The following DLG2 variants were observed in gnomAD, a reference collection of about 807,000 sequenced individuals.
The protein encoded by DLG2 is disks large homolog 2.
A neutral mutation model predicts 132.5 loss-of-function variants in DLG2; 45 were observed. That is an observed-to-expected ratio of 0.34 (90% CI 0.27 to 0.44). DLG2 has a LOEUF of 0.44. Among genes scored for constraint, DLG2 ranks in the 20% least tolerant of loss-of-function variants. DLG2 has a pLI of 1.00. For synonymous variants in DLG2, 424 were observed against 419.6 expected (o/e 1.01, Z -0.13); for missense variants, 1,045 against 1,196.9 (o/e 0.87, Z 1.87).
chr11:84,879,585 T>C (rs965431939), intron 6 of DLG2, among the ~76,000 whole-genome samples: 1 of 152,086 alleles, frequency 6.6e-6, no homozygotes, highest in African/African-American at 2.4e-5. Context: ...TGATTAGGAA[T>C]GTACAATATG....
At chr11:85,577,325 T>C (rs1172310833) in intron 3 of DLG2, among the ~76,000 whole-genome samples, 1 of 152,046 alleles carries the variant, frequency 6.6e-6, no homozygotes, top group Non-Finnish European at 1.5e-5. Context: ...TAAGAAATGG[T>C]AGGATTCCGG....
chr11:85,092,545 A>G (rs1447239636), intron 6 of DLG2, among the ~76,000 whole-genome samples: 2 of 152,094 alleles, frequency 1.3e-5, no homozygotes, highest in Non-Finnish European at 2.9e-5. Flanking sequence ...ATACATATAT[A>G]TTTTGGCAAA....
chr11:83,558,986 A>G (rs2096566715), intron 19 of DLG2, among the ~76,000 whole-genome samples: 1 of 152,114 alleles, frequency 6.6e-6, no homozygotes, highest in South Asian at 2.1e-4. Context: ...TAAAAGATGC[A>G]TAAGGGAATG....
chr11:84,439,623 C>A (rs774317422), intron 7 of DLG2, among the ~76,000 whole-genome samples: 1 of 152,134 alleles, frequency 6.6e-6, no homozygotes, highest in South Asian at 2.1e-4. Context: ...AGAAATCCAA[C>A]GAATAAATAT....
chr11:83,952,050 G>A (rs1382326200), intron 14 of DLG2, among the ~76,000 whole-genome samples: 4 of 152,088 alleles, frequency 2.6e-5, no homozygotes, highest in African/African-American at 9.7e-5. Context: ...CATTTATTAA[G>A]AAGAGGAAGA....
intron 7 of DLG2, among the ~76,000 whole-genome samples, chr11:84,491,036 G>A (rs1184597754): frequency 2.6e-5 from 4 of 152,020 alleles, no homozygotes; most frequent in Admixed American, 6.6e-5. Context: ...TAGTGGTAGA[G>A]CTAGAGTATG....
In DLG2 at chr11:83,730,621, T is replaced by C. The variant is rs527668798; in HGVS notation, c.1825+56069A>G. On this transcript the variant is annotated intron_variant, in intron 18 of 27. Coordinates refer to ENST00000376104, the MANE Select transcript of DLG2 (RefSeq NM_001142699.3). ...TGGACCCTCATCAGCCTGGTCATGG[T>C]ACCAGGAGAATCTACATTAACAAGC... Among the ~76,000 whole-genome samples, 6 of 152,318 alleles carry C rather than the reference T, an allele frequency of 3.9e-5. No individual in the cohort carries two copies. In the South Asian group the frequency reaches 8.3e-4, roughly 21 times the overall value.
chr11:85,112,157 G>A (rs1397502923), intron 5 of DLG2, among the ~76,000 whole-genome samples: 1 of 152,102 alleles, frequency 6.6e-6, no homozygotes, highest in Non-Finnish European at 1.5e-5. Flanking sequence ...ATAAGCTAGT[G>A]ATGGTGATTC....
intron 3 of DLG2, among the ~76,000 whole-genome samples, chr11:85,554,524 T>C (rs939997154): frequency 2.0e-5 from 3 of 151,954 alleles, no homozygotes; most frequent in Admixed American, 1.3e-4. Flanking sequence ...CATTCCTAAA[T>C]ACAGGCCAAG....
intron 3 of DLG2, among the ~76,000 whole-genome samples, chr11:85,466,033 G>T (rs1330021486): frequency 1.3e-5 from 2 of 152,134 alleles, no homozygotes; most frequent in Non-Finnish European, 2.9e-5. Context: ...TTGTGGTTTT[G>T]ATTTGCATTT....
intron 6 of DLG2, among the ~76,000 whole-genome samples, chr11:84,777,177 C>G (rs981765919): frequency 1.3e-5 from 2 of 151,058 alleles, no homozygotes; most frequent in Non-Finnish European, 3.0e-5. Flanking sequence ...TTCTGTGTTT[C>G]ACTTAATGAC....
At chr11:83,753,839 T>TG (rs1390811750) in intron 18 of DLG2, among the ~76,000 whole-genome samples, 293 of 11,074 alleles carry the variant, frequency 0.026, 7 homozygotes, top group African/African-American at 0.16. Context: ...ATATATGATA[T>TG]ATATCATATA....
Position 85,196,689 on chromosome 11 carries a change from A to G in DLG2, c.187-42038T>C, listed in dbSNP as rs560976079. On this transcript the variant is annotated intron_variant, in intron 4 of 27. Transcript: ENST00000376104. Reference sequence around the variant, plus strand: ...AGACTGACTTAAGCATTTACTTATTAGAATTCAGGACATTTTATCAGGACA... The same window carrying G: ...AGACTGACTTAAGCATTTACTTATTGGAATTCAGGACATTTTATCAGGACA... 1.2e-4 allele frequency among the ~76,000 whole-genome samples: 18 copies of G among 152,366 alleles called. No homozygotes were observed. The South Asian group carries it at 3.5e-3, about 30-fold the overall frequency.
chr11:84,738,867 C>T (rs1338255580), intron 6 of DLG2, among the ~76,000 whole-genome samples: 1 of 152,106 alleles, frequency 6.6e-6, no homozygotes, highest in African/African-American at 2.4e-5. Context: ...GATACATTAA[C>T]AAGTGAATGT....
intron 3 of DLG2, among the ~76,000 whole-genome samples, chr11:85,410,383 A>C (rs1377911929): frequency 6.6e-6 from 1 of 151,778 alleles, no homozygotes; most frequent in African/African-American, 2.4e-5. Context: ...AATCAGGACC[A>C]ATAGTAGCCC....
chr11:84,428,688 T>A (rs949630029), intron 7 of DLG2, among the ~76,000 whole-genome samples: 1 of 152,068 alleles, frequency 6.6e-6, no homozygotes, highest in African/African-American at 2.4e-5. Flanking sequence ...CACCTAGAAG[T>A]CCTATCTCCA....
intron 18 of DLG2, among the ~76,000 whole-genome samples, chr11:83,710,628 T>C (rs1214122462): frequency 1.3e-5 from 2 of 152,202 alleles, no homozygotes; most frequent in Non-Finnish European, 2.9e-5. Flanking sequence ...TCATATAACA[T>C]GTTTCTATTT....
chr11:84,837,337 C>A (rs1008678228), intron 6 of DLG2, among the ~76,000 whole-genome samples: 25 of 151,616 alleles, frequency 1.6e-4, no homozygotes, highest in Non-Finnish European at 7.4e-5. Context: ...ATTATGTAAA[C>A]ACCATTGTTT....
intron 3 of DLG2, among the ~76,000 whole-genome samples, chr11:85,514,647 C>A (rs893077971): frequency 6.6e-6 from 1 of 151,880 alleles, no homozygotes; most frequent in East Asian, 1.9e-4. Context: ...ATTTTTACAA[C>A]TTGTTTTCTC....
Sources: gnomAD v4.1 joint callset for allele counts (sites outside exome capture counted in the v4.1 genomes callset) on GRCh38, gnomAD v4.1.1 for gene constraint, MANE v1.5 for transcripts, NCBI Gene and HGNC (gene_info 2026-07-23, HGNC 2026-07-21) for gene names.